Variants in CHGA observed in about 807,000 individuals in gnomAD.
CHGA encodes the protein chromogranin-A.
A neutral mutation model predicts 54.4 loss-of-function variants in CHGA; 41 were observed. The observed-to-expected ratio is 0.75, with a 90% CI of 0.59 to 0.98. The LOEUF (loss-of-function observed/expected upper bound fraction) is 0.98, where lower values mean the gene tolerates loss of function less well. Among genes scored for constraint, CHGA ranks in the 50% least tolerant of loss-of-function variants. The probability of loss-of-function intolerance (pLI) is 0.00; values close to 1 mark genes in which losing one functional copy is unlikely to be tolerated. For missense variants in CHGA, 576 were observed against 582.3 expected (o/e 0.99, Z 0.11); for synonymous variants, 249 against 232.8 (o/e 1.07, Z -0.63).
At chr14:92,925,007 A>G (rs1886859355) in intron 2 of CHGA, among the ~76,000 whole-genome samples, 1 of 152,214 alleles carries the variant, frequency 6.6e-6, no homozygotes, top group Admixed American at 6.5e-5. Flanking sequence ...GTTAAAATCC[A>G]AACCATCCAA....
Position 92,923,356 on chromosome 14 carries a change from CG to C in CHGA, c.-3del. The C allele has an allele frequency of 7.6e-7, 1 of 1,318,014 alleles. No homozygotes were observed. The highest frequency in any genetic ancestry group is 2.2e-5 in the South Asian group (1 of 45,250). 81.6% of individuals were successfully genotyped at this position (1,318,014 alleles called of 1,614,324 possible). On this transcript the variant is annotated 5_prime_UTR_variant, in exon 1 of 8. Coordinates refer to ENST00000216492, the MANE Select transcript of CHGA (RefSeq NM_001275.4). ...CCGCCAGCTGCTCGGCGCCCGGGTC[CG>C]CCATGCGCTCCGCCGCTGTCCTGGC...
rs763194632 is a variant in CHGA at position 92,931,547 on chromosome 14, G to A, written c.653G>A (p.Ser218Asn). 3.1e-6 allele frequency: 5 copies of A among 1,612,816 alleles called. No individual in the cohort carries two copies. In the African/African-American group the frequency reaches 6.7e-5, roughly 22 times the overall value. Residue 218 changes from serine (S) to asparagine (N), a missense_variant, in exon 6 of 8, where the codon AGT becomes AAT. Physicochemically the swap from Ser to Asn is conservative, Grantham distance 46 (BLOSUM62 1). Coordinates refer to ENST00000216492, the MANE Select transcript of CHGA (RefSeq NM_001275.4). ...CTGGTGGACAGAGAGAAGGGCCTGA[G>A]TGCAGAGCCAGGGTGGCAGGCAAAG... ...QGLVDREKGL[S>N]AEPGWQAKRE... is the part of the protein sequence containing the mutation.
At chr14:92,927,752 C>T (rs1346991673) in intron 4 of CHGA, 134 bp downstream of exon 4, 19 of 739,616 alleles carry the variant, frequency 2.6e-5, no homozygotes, top group South Asian at 3.4e-5. Context: ...AAGCAGGATC[C>T]GCCGTGCCAC....
rs150148299 is a variant in CHGA at position 92,931,310 on chromosome 14, C to T, written c.416C>T (p.Ala139Val). 1.1e-4 allele frequency: 172 copies of T among 1,613,694 alleles called. 1 individual carries two copies. In the East Asian group the frequency reaches 3.2e-3, roughly 30 times the overall value. ...VMEKREDSKEAEKSGEATDGA... is the reference protein window; with the variant it reads ...VMEKREDSKEVEKSGEATDGA... ...GAGAAAAGAGAGGATTCCAAGGAGG[C>T]AGAGAAAAGTGGTGAAGCCACAGAC... Residue 139 changes from alanine to valine, a missense_variant, in exon 6 of 8, where the codon GCA (alanine) becomes GTA (valine). Coordinates refer to ENST00000216492, the MANE Select transcript of CHGA (RefSeq NM_001275.4).
rs1886910589 is a variant in CHGA at position 92,927,536 on chromosome 14, CT to C, written c.188-12del. 6.2e-7 allele frequency: 1 copy of C among 1,610,036 alleles called. No homozygotes were observed. Among genetic ancestry groups the C allele is most frequent in the South Asian group, 1.1e-5 (1 of 90,548 alleles). On this transcript the variant is annotated splice_polypyrimidine_tract_variant and intron_variant, in intron 3 of 7. Transcript: ENST00000216492. ...TCTCTGGAAACCACCCATGATGACT[CT>C]TCTTCATTGCAGATGAACGGATCCT...
At chr14:92,930,877 A>G (rs1034754315) in intron 5 of CHGA, among the ~76,000 whole-genome samples, 20 of 152,210 alleles carry the variant, frequency 1.3e-4, no homozygotes, top group Non-Finnish European at 2.6e-4. Context: ...GAAGCCCCAC[A>G]TGGAGGGGAG....
intron 4 of CHGA, among the ~76,000 whole-genome samples, chr14:92,928,928 C>T (rs1886940364): frequency 1.3e-5 from 2 of 152,168 alleles, no homozygotes; most frequent in African/African-American, 4.8e-5. Flanking sequence ...TTGGAGAGCC[C>T]AAGTTGCCCA....
In CHGA at chr14:92,927,627, C is replaced by T. The variant is rs1175317694; in HGVS notation, c.256+9C>T. 6.2e-7 allele frequency: 1 copy of T among 1,609,394 alleles called. No homozygotes were observed. The highest frequency in any genetic ancestry group is 1.3e-5 in the African/African-American group (1 of 74,700). On this transcript the variant is annotated intron_variant, in intron 4 of 7. Transcript: ENST00000216492. Reference sequence around the variant, plus strand: ...AGACCTCGCTCTCCAAGGTATTTTCCAGCCACTGCACTTGACTCTGGGTAA... The same window carrying T: ...AGACCTCGCTCTCCAAGGTATTTTCTAGCCACTGCACTTGACTCTGGGTAA...
chr14:92,923,322 G>A lies in CHGA; in HGVS notation c.-38G>A. The stretch of plus-strand genomic sequence containing the variant: ...CCCCTCGCCCGGTGCCTAGGTGCCC[G>A]GCCCCACACCGCCAGCTGCTCGGCG... On this transcript the variant is annotated 5_prime_UTR_variant, in exon 1 of 8. Coordinates refer to ENST00000216492, the MANE Select transcript of CHGA (RefSeq NM_001275.4). 1 of 1,316,768 alleles carries A rather than the reference G, an allele frequency of 7.6e-7. No homozygotes were observed. Among genetic ancestry groups the A allele is most frequent in the East Asian group, 3.1e-5 (1 of 31,968 alleles). The allele number at this position is 1,316,768 out of a possible 1,614,324, so 81.6% of individuals were successfully genotyped here. A position where few individuals can be genotyped will look rare whatever the true frequency, so the allele number is the denominator to read the frequency against.
At position 92,924,213 on chromosome 14, in the gene CHGA, G is replaced by A. The variant is rs746649000; in HGVS notation, c.61G>A (p.Val21Met). The A allele has an allele frequency of 6.2e-7, 1 of 1,612,550 alleles. No individual in the cohort carries two copies. Among genetic ancestry groups the A allele is most frequent in the Admixed American group, 1.7e-5 (1 of 59,848 alleles). The stretch of plus-strand genomic sequence containing the variant: ...CTTCTTCCCAGTCACTGCGCTCCCT[G>A]TGAACAGCCCTATGAATAAAGGGGA... ...LCAGQVTALP[V>M]NSPMNKGDTE... The change falls in exon 2 of 8, where the codon GTG becomes ATG. Residue 21 changes from valine to methionine, a missense_variant. By Grantham distance (21) the Val-to-Met change is conservative (BLOSUM62 1). Coordinates refer to ENST00000216492, the MANE Select transcript of CHGA (RefSeq NM_001275.4).
At chr14:92,924,085 G>T in intron 1 of CHGA, 114 bp from the exon 2 acceptor site, 1 of 1,174,662 alleles carries the variant, frequency 8.5e-7, no homozygotes, top group Non-Finnish European at 1.2e-6. Context: ...CTTTTTGGTG[G>T]GGGCAGTTTT....
chr14:92,922,681 G>A (rs1159279636), upstream of CHGA, among the ~76,000 whole-genome samples: 1 of 152,228 alleles, frequency 6.6e-6, no homozygotes, highest in Non-Finnish European at 1.5e-5. Context: ...TCAGACAGGG[G>A]ATCAAAGGCC....
rs145227561 is a variant in CHGA at position 92,931,413 on chromosome 14, AGAGGAGGAG to A, written c.530_538del (p.Glu177_Glu179del). On this transcript the variant is annotated inframe_deletion, in exon 6 of 8. Coordinates refer to ENST00000216492, the MANE Select transcript of CHGA (RefSeq NM_001275.4). ...GGAACAATCAGGCCCCTGGGGAGGA[AGAGGAGGAG>A]GAGGAGGAGGCCACCAACACCCACC... 3.1e-6 allele frequency: 5 copies of A among 1,609,550 alleles called. No homozygotes were observed. The highest frequency in any genetic ancestry group is 2.2e-5 in the East Asian group (1 of 44,762).
At chr14:92,933,784 G>C (rs1409920594) in intron 7 of CHGA, among the ~76,000 whole-genome samples, 1 of 152,206 alleles carries the variant, frequency 6.6e-6, no homozygotes, top group East Asian at 1.9e-4. Context: ...GGGAGCCCAG[G>C]GCGAGGGGCT....
At chr14:92,924,018 G>A (rs773422030) in intron 1 of CHGA, among the ~76,000 whole-genome samples, 181 bp from the exon 2 acceptor site, 45 of 152,200 alleles carry the variant, frequency 3.0e-4, no homozygotes, top group Non-Finnish European at 5.1e-4. Flanking sequence ...AGCCTCTGGG[G>A]ACCACCCCAC....
intron 6 of CHGA, 32 bp downstream of exon 6, chr14:92,931,734 T>G (rs1210705486): frequency 2.0e-6 from 3 of 1,529,094 alleles, no homozygotes; most frequent in Non-Finnish European, 1.8e-6. Context: ...TCAACGAACG[T>G]GTCTGGGAGA....
chr14:92,934,813 G>C lies in CHGA; in HGVS notation c.1303G>C (p.Glu435Gln). 6.3e-7 allele frequency: 1 copy of C among 1,584,348 alleles called. No individual in the cohort carries two copies. The highest frequency in any genetic ancestry group is 1.7e-4 in the Middle Eastern group (1 of 6,014). ...ANRRPEDQEL[E>Q]SLSAIEAELE... ...ATGTCTCTCCTAGGACCAGGAGCTG[G>C]AGAGCCTGTCGGCCATTGAAGCAGA... Residue 435 changes from glutamate to glutamine, a missense_variant, in exon 8 of 8, where the codon GAG becomes CAG. Transcript: ENST00000216492.
chr14:92,926,331 C>A (rs1042852950), intron 2 of CHGA: 1 of 473,880 alleles, frequency 2.1e-6, no homozygotes, highest in Non-Finnish European at 3.8e-6. Context: ...TTCCCTACAC[C>A]CCATTCTCAC....
rs868154165 is a variant in CHGA, at chr14:92,929,598, G to A, written c.257-119G>A. 12 of 847,392 alleles carry A rather than the reference G, an allele frequency of 1.4e-5. No individual in the cohort carries two copies. The Middle Eastern group carries it at 1.3e-3, about 93-fold the overall frequency. 52.5% of individuals were successfully genotyped at this position (847,392 alleles called of 1,614,324 possible). A position where few individuals can be genotyped will look rare whatever the true frequency, so the allele number is the denominator to read the frequency against. On this transcript the variant is annotated intron_variant, in intron 4 of 7. Coordinates refer to ENST00000216492, the MANE Select transcript of CHGA (RefSeq NM_001275.4). ...CTCACGCCCCATCAGTGTCTCATTG[G>A]GCAGGCCCTGAACATGATGTGCCCA...
Sources: allele counts gnomAD v4.1 joint callset (sites outside exome capture counted in the v4.1 genomes callset), GRCh38; gene constraint gnomAD v4.1.1; transcripts MANE v1.5; gene names NCBI Gene and HGNC (gene_info 2026-07-23, HGNC 2026-07-21).